The following PRICKLE4 variants were observed in gnomAD, a reference collection of about 807,000 sequenced individuals.
PRICKLE4 encodes the protein prickle-like protein 4.
Under a neutral mutation model 43.5 loss-of-function variants are expected in PRICKLE4, and 40 were observed. That is an observed-to-expected ratio of 0.92 (90% CI 0.71 to 1.20). PRICKLE4 has a LOEUF of 1.20. PRICKLE4 is among the 50% of genes most tolerant of loss of function. PRICKLE4 has a pLI of 0.00. For synonymous variants in PRICKLE4, 208 were observed against 197.4 expected (o/e 1.05, Z -0.45); for missense variants, 527 against 491.2 (o/e 1.07, Z -0.69).
chr6:41,785,541 G>A lies in PRICKLE4; in HGVS notation c.582+1G>A. The A allele has an allele frequency of 6.2e-7, 1 of 1,611,874 alleles. No individual in the cohort carries two copies. The highest frequency in any genetic ancestry group is 8.5e-7 in the Non-Finnish European group (1 of 1,179,898). ...CCCGCGCTGCCCGGCTTGTGACCAG[G>A]TACAGCCTGGAGGGGAGGAACTGGG... On this transcript the variant is annotated splice_donor_variant, in intron 6 of 7. Coordinates refer to ENST00000458694, the MANE Select transcript of PRICKLE4 (RefSeq NM_013397.6). LOFTEE classifies it high-confidence loss of function.
At chr6:41,782,651 C>G (rs747973432) in intron 2 of PRICKLE4, among the ~76,000 whole-genome samples, 3 of 151,972 alleles carry the variant, frequency 2.0e-5, no homozygotes, top group Non-Finnish European at 4.4e-5. Context: ...CTCGGCCTCC[C>G]GGAGTGCTGG....
chr6:41,783,353 G>A (rs894529198), intron 2 of PRICKLE4, 109 bp from the exon 3 acceptor site: 13 of 1,162,256 alleles, frequency 1.1e-5, no homozygotes, highest in Admixed American at 6.6e-5. Flanking sequence ...TACCTAAGTC[G>A]TTTGGGTGTT....
At chr6:41,786,427 C>A (rs1772650102) in intron 7 of PRICKLE4, 95 bp downstream of exon 7, 1 of 1,383,188 alleles carries the variant, frequency 7.2e-7, no homozygotes, top group African/African-American at 1.4e-5. Flanking sequence ...CCCACGCCGT[C>A]CCGTCCCTCC....
At position 41,785,369 on chromosome 6, in the gene PRICKLE4, A is replaced by AGTGTTTGC. The variant is rs779273326; in HGVS notation, c.412_419dup (p.Ala141CysfsTer26). Reference sequence around the variant, plus strand: ...AGCTGCTGAAGCCAGGGGAGTACGGAGTGTTTGCAGCCCGGGCAGGGGAAC... The same window carrying AGTGTTTGC: ...AGCTGCTGAAGCCAGGGGAGTACGGAGTGTTTGCGTGTTTGCAGCCCGGGCAGGGGAAC... On this transcript the variant is annotated frameshift_variant, in exon 6 of 8. Transcript: ENST00000458694. LOFTEE classifies it high-confidence loss of function. 7 of 1,613,602 alleles carry AGTGTTTGC rather than the reference A, an allele frequency of 4.3e-6. No homozygotes were observed. Among genetic ancestry groups the AGTGTTTGC allele is most frequent in the Non-Finnish European group, 5.9e-6 (7 of 1,179,890 alleles).
At position 41,786,961 on chromosome 6, in the gene PRICKLE4, G is replaced by A. The variant is rs1772670627; in HGVS notation, c.987G>A (p.Glu329=). The part of the protein sequence containing the change: ...APKGQEQCRL[E]TIRDPKDTPF... ...AAGGGCAGGAGCAATGCCGCCTGGA[G>A]ACTATTCGTGATCCCAAGGACACCC... The change falls in exon 8 of 8, where the codon GAG becomes GAA. Residue 329 remains glutamate, a synonymous_variant. Coordinates refer to ENST00000458694, the MANE Select transcript of PRICKLE4 (RefSeq NM_013397.6). 1.5e-5 allele frequency: 24 copies of A among 1,614,004 alleles called. No homozygotes were observed. Among genetic ancestry groups the A allele is most frequent in the Non-Finnish European group, 1.9e-5 (23 of 1,180,022 alleles).
intron 7 of PRICKLE4, 75 bp downstream of exon 7, chr6:41,786,407 T>TCGCCCCGGTCC (rs1399266801): frequency 6.9e-7 from 1 of 1,447,670 alleles, no homozygotes; most frequent in East Asian, 2.4e-5. Context: ...GCTGGGACCC[T>TCGCCCCGGTCC]CGCCCCGGTC....
At chr6:41,784,882 T>G in intron 4 of PRICKLE4, 53 bp from the exon 5 acceptor site, 1 of 1,607,544 alleles carries the variant, frequency 6.2e-7, no homozygotes, top group Non-Finnish European at 8.5e-7. Context: ...CAACCAATGC[T>G]CAATGTTTTC....
In PRICKLE4 at chr6:41,787,225, G is replaced by T; in HGVS notation, c.*96G>T. The T allele has an allele frequency of 6.9e-7, 1 of 1,447,666 alleles. No homozygotes were observed. 89.7% of individuals were successfully genotyped at this position (1,447,666 alleles called of 1,614,324 possible). The stretch of plus-strand genomic sequence containing the variant: ...CCCCCTAACAATCCTAGACTGAGAC[G>T]CAGTCAGGCGCACGCCCGCAAGAGG... On this transcript the variant is annotated 3_prime_UTR_variant, in exon 8 of 8. Coordinates refer to ENST00000458694, the MANE Select transcript of PRICKLE4 (RefSeq NM_013397.6).
At position 41,786,104 on chromosome 6, in the gene PRICKLE4, CCCCTCTCCCTCT is replaced by C. The variant is rs547639371; in HGVS notation, c.583-14_583-3del. The stretch of plus-strand genomic sequence containing the variant: ...TGAGGGAATGAATGAATGAAACGTT[CCCCTCTCCCTCT>C]CCCTCTCCCAGCTGATCTTCTCCTG... On this transcript the variant is annotated splice_polypyrimidine_tract_variant and intron_variant, in intron 6 of 7. Transcript: ENST00000458694. 3 of 1,600,180 alleles carry C rather than the reference CCCCTCTCCCTCT, an allele frequency of 1.9e-6. No homozygotes were observed. Among genetic ancestry groups the C allele is most frequent in the Non-Finnish European group, 2.6e-6 (3 of 1,168,084 alleles).
intron 6 of PRICKLE4, 149 bp from the exon 7 acceptor site, chr6:41,785,979 C>A: frequency 2.2e-6 from 2 of 905,236 alleles, no homozygotes; most frequent in Non-Finnish European, 3.4e-6. Context: ...GCCAATCAGT[C>A]CTCCCTGCGT....
chr6:41,786,666 G>A lies in PRICKLE4; in HGVS notation c.788-96G>A, dbSNP rs1406368159. 8.2e-6 allele frequency: 13 copies of A among 1,578,866 alleles called. 1 individual carries two copies. Among genetic ancestry groups the A allele is most frequent in the African/African-American group, 2.7e-5 (2 of 74,142 alleles). On this transcript the variant is annotated intron_variant, in intron 7 of 7. Transcript: ENST00000458694. ...CGGCGGCGCGCACGGCCCAGGGGCT[G>A]GGCGGGGCGGGAGGCTGGGCCTCAC...
chr6:41,786,631 T>TCGGCGG (rs753892282), intron 7 of PRICKLE4, 131 bp from the exon 8 acceptor site: 28 of 1,422,342 alleles, frequency 2.0e-5, no homozygotes, highest in South Asian at 9.1e-5. Context: ...GCGAGGACTC[T>TCGGCGG]CGGCGGCGGC....
chr6:41,783,768 G>GT (rs1772592266), intron 3 of PRICKLE4, 163 bp downstream of exon 3: 1 of 1,022,144 alleles, frequency 9.8e-7, no homozygotes, highest in African/African-American at 1.6e-5. Context: ...AGAACATGGG[G>GT]TTTTGACTTT....
At position 41,781,231 on chromosome 6, in the gene PRICKLE4, G is replaced by A. The variant is rs191934524; in HGVS notation, c.-183-119G>A. On this transcript the variant is annotated intron_variant, in intron 1 of 7. Transcript: ENST00000458694. The stretch of plus-strand genomic sequence containing the variant: ...GGAATCCAGCTGGCCTGTTAGTAAG[G>A]GTGTTCCAGTGCTAGGTGGAGGTGG... The A allele has an allele frequency of 2.4e-3, 363 of 152,954 alleles. 2 individuals are homozygous for A. The highest frequency in any genetic ancestry group is 3.7e-3 in the Non-Finnish European group (256 of 68,500). The allele number at this position is 152,954 out of a possible 1,614,324, so 9.5% of individuals were successfully genotyped here.
chr6:41,782,067 CT>C (rs557402339), intron 2 of PRICKLE4, among the ~76,000 whole-genome samples: 1,429 of 122,202 alleles, frequency 0.012, 10 homozygotes, highest in African/African-American at 0.036. Context: ...TTAATAGTCG[CT>C]TTTTTTTTTT....
intron 3 of PRICKLE4, 183 bp from the exon 4 acceptor site, chr6:41,783,948 C>A: frequency 1.5e-6 from 1 of 674,186 alleles, no homozygotes; most frequent in Non-Finnish European, 2.7e-6. Flanking sequence ...GAAGACCACA[C>A]ATGCAGGCAT....
chr6:41,785,791 C>CAGGG (rs1220256231), intron 6 of PRICKLE4, among the ~76,000 whole-genome samples: 1 of 152,164 alleles, frequency 6.6e-6, no homozygotes, highest in African/African-American at 2.4e-5. Flanking sequence ...TTCTCTAGAG[C>CAGGG]AGGGAGTCTT....
chr6:41,787,218 C>A lies in PRICKLE4; in HGVS notation c.*89C>A. Reference sequence around the variant, plus strand: ...CTAGCCTCCCCCTAACAATCCTAGACTGAGACGCAGTCAGGCGCACGCCCG... The same window carrying A: ...CTAGCCTCCCCCTAACAATCCTAGAATGAGACGCAGTCAGGCGCACGCCCG... On this transcript the variant is annotated 3_prime_UTR_variant, in exon 8 of 8. Coordinates refer to ENST00000458694, the MANE Select transcript of PRICKLE4 (RefSeq NM_013397.6). 6.8e-7 allele frequency: 1 copy of A among 1,471,104 alleles called. No individual in the cohort carries two copies. Among genetic ancestry groups the A allele is most frequent in the Non-Finnish European group, 9.0e-7 (1 of 1,116,820 alleles). The allele number at this position is 1,471,104 out of a possible 1,614,324, so 91.1% of individuals were successfully genotyped here.
In PRICKLE4 at chr6:41,786,302, G is replaced by GC; in HGVS notation, c.759dup (p.Gly254ArgfsTer18). 1 of 1,576,268 alleles carries GC rather than the reference G, an allele frequency of 6.3e-7. No individual in the cohort carries two copies. The highest frequency in any genetic ancestry group is 8.6e-7 in the Non-Finnish European group (1 of 1,157,364). On this transcript the variant is annotated frameshift_variant, in exon 7 of 8. Coordinates refer to ENST00000458694, the MANE Select transcript of PRICKLE4 (RefSeq NM_013397.6). LOFTEE classifies it high-confidence loss of function. The stretch of plus-strand genomic sequence containing the variant: ...CTACTCGGATGCAGGCTCGAGCTGG[G>GC]CCGGGGCACTGGAAGGGCAGGCATT...
Sources: allele counts gnomAD v4.1 joint callset (sites outside exome capture counted in the v4.1 genomes callset), GRCh38; gene constraint gnomAD v4.1.1; transcripts MANE v1.5; gene names NCBI Gene and HGNC (gene_info 2026-07-23, HGNC 2026-07-21).